Variants in PARD3B observed in about 807,000 individuals in gnomAD.
PARD3B encodes par-3 family cell polarity regulator beta.
Under a neutral mutation model 130.2 loss-of-function variants are expected in PARD3B, and 103 were observed. The ratio of observed to expected loss-of-function variants is 0.79; its 90% CI spans 0.67 to 0.93. The LOEUF is 0.93. Ranked by LOEUF, PARD3B falls within the 40% of genes least tolerant of loss-of-function variation. The pLI, the probability that PARD3B is intolerant of heterozygous loss-of-function variation, is 0.00. For synonymous variants in PARD3B, 583 were observed against 553.2 expected (o/e 1.05, Z -0.76); for missense variants, 1,609 against 1,499.2 (o/e 1.07, Z -1.21).
chr2:204,727,004 C>CCCT (rs2039261709), intron 2 of PARD3B, among the ~76,000 whole-genome samples: 1 of 152,088 alleles, frequency 6.6e-6, no homozygotes, highest in South Asian at 2.1e-4. Context: ...TTCCCTTCCC[C>CCCT]GCCCTGCACG....
intron 3 of PARD3B, among the ~76,000 whole-genome samples, chr2:204,998,149 A>G (rs1575517374): frequency 6.7e-6 from 1 of 149,136 alleles, no homozygotes; most frequent in South Asian, 2.1e-4. Context: ...GGAGGGGAAC[A>G]TCACACACCA....
In PARD3B at chr2:205,397,256, T is replaced by C. The variant is rs892709200; in HGVS notation, c.2631-3757T>C. Among the ~76,000 whole-genome samples the C allele has an allele frequency of 5.3e-5, 8 of 152,342 alleles. No homozygotes were observed. The South Asian group carries it at 1.2e-3, about 24-fold the overall frequency. On this transcript the variant is annotated intron_variant, in intron 18 of 22. Transcript: ENST00000406610. The surrounding 1 kb of genome is among the most constrained non-coding windows in gnomAD (Gnocchi z 4.8). Reference sequence around the variant, plus strand: ...ATTTGTAATCATTTTCTCTGGCTAATAAAATAAATTTCACATGTATTTCTG... The same window carrying C: ...ATTTGTAATCATTTTCTCTGGCTAACAAAATAAATTTCACATGTATTTCTG...
At chr2:204,896,304 G>A (rs929854318) in intron 2 of PARD3B, among the ~76,000 whole-genome samples, 2 of 152,206 alleles carry the variant, frequency 1.3e-5, no homozygotes, top group South Asian at 4.1e-4. Flanking sequence ...ATAAAGGTAA[G>A]AGGAAGTTGG....
In PARD3B at chr2:205,574,551, C is replaced by T. The variant is rs180996347; in HGVS notation, c.3260+21148C>T. Among the ~76,000 whole-genome samples the T allele has an allele frequency of 7.9e-5, 12 of 152,156 alleles. 3 individuals are homozygous for T. The highest frequency in any genetic ancestry group is 5.8e-4 in the East Asian group (3 of 5,178). ...ATTCCGGAAAGATCTATACCAACAG[C>T]GCTTGTTTGTGTCATTTCTAGCAGT... On this transcript the variant is annotated intron_variant, in intron 22 of 22. Transcript: ENST00000406610.
chr2:205,419,142 ATGGG>A (rs2046878477), intron 19 of PARD3B, among the ~76,000 whole-genome samples: 1 of 152,062 alleles, frequency 6.6e-6, no homozygotes, highest in Admixed American at 6.6e-5. Context: ...CACAATTCCC[ATGGG>A]TCATGGGAGG....
At chr2:205,549,223 A>G (rs2052511102) in intron 21 of PARD3B, among the ~76,000 whole-genome samples, 2 of 152,168 alleles carry the variant, frequency 1.3e-5, no homozygotes, top group African/African-American at 4.8e-5. Flanking sequence ...TTTAGAAGAC[A>G]ATTTGGTGGT....
At chr2:205,103,039 G>A (rs1475605264) in intron 4 of PARD3B, among the ~76,000 whole-genome samples, 1 of 151,780 alleles carries the variant, frequency 6.6e-6, no homozygotes, top group African/African-American at 2.4e-5. Flanking sequence ...CTGCACTCCA[G>A]CCTGGGCGAC....
At chr2:205,226,859 C>T (rs1239653875) in intron 15 of PARD3B, among the ~76,000 whole-genome samples, 1 of 152,074 alleles carries the variant, frequency 6.6e-6, no homozygotes, top group Non-Finnish European at 1.5e-5. Flanking sequence ...TGTGATATGA[C>T]ATAGATTTTA....
At chr2:204,720,478 A>G (rs2038941234) in intron 2 of PARD3B, among the ~76,000 whole-genome samples, 1 of 152,242 alleles carries the variant, frequency 6.6e-6, no homozygotes, top group Non-Finnish European at 1.5e-5. Context: ...CAAAGAAGTT[A>G]TCAGTCAACT....
At chr2:205,418,926 A>G (rs1436575892) in intron 19 of PARD3B, among the ~76,000 whole-genome samples, 1 of 152,228 alleles carries the variant, frequency 6.6e-6, no homozygotes, top group Non-Finnish European at 1.5e-5. Context: ...TTCTGCAGAT[A>G]CATACAAAAT....
intron 16 of PARD3B, among the ~76,000 whole-genome samples, chr2:205,267,507 T>G (rs1294852390): frequency 1.3e-5 from 2 of 150,488 alleles, no homozygotes; most frequent in Non-Finnish European, 3.0e-5. Flanking sequence ...AGGATTTGGC[T>G]TGAGCTTCAG....
chr2:205,044,854 A>G (rs1698657537), intron 3 of PARD3B, among the ~76,000 whole-genome samples: 1 of 152,194 alleles, frequency 6.6e-6, no homozygotes, highest in African/African-American at 2.4e-5. Flanking sequence ...TCTTCCTGAC[A>G]GCCACCTTCA....
chr2:204,976,298 G>T (rs566513920), intron 3 of PARD3B, among the ~76,000 whole-genome samples: 5 of 152,292 alleles, frequency 3.3e-5, no homozygotes, highest in East Asian at 3.9e-4. Flanking sequence ...GAGCAAGCCT[G>T]CCTGGGTCAA....
intron 1 of PARD3B, among the ~76,000 whole-genome samples, chr2:204,558,481 A>G (rs2031083818): frequency 6.6e-6 from 1 of 152,224 alleles, no homozygotes; most frequent in South Asian, 2.1e-4. Flanking sequence ...AATCCCACTT[A>G]CAAGGGATGT....
At chr2:205,126,483 A>G (rs1203731897) in intron 10 of PARD3B, among the ~76,000 whole-genome samples, 1 of 152,110 alleles carries the variant, frequency 6.6e-6, no homozygotes, top group African/African-American at 2.4e-5. Context: ...TAAAAAATTG[A>G]TAATACCCAG....
chr2:204,805,055 C>A (rs2042715701), intron 2 of PARD3B, among the ~76,000 whole-genome samples: 1 of 151,406 alleles, frequency 6.6e-6, no homozygotes, highest in Admixed American at 6.6e-5. Flanking sequence ...AAAATGAAAG[C>A]ATAAATTAGA....
rs538968355 is a variant in PARD3B at position 204,934,779 on chromosome 2, C to CG, written c.223-30369dup. ...GCAGGGTTTAGAAACAAAGTGGGAA[C>CG]GGGGTAAGTATTTATTAGTCAGTTT... On this transcript the variant is annotated intron_variant, in intron 2 of 22. Transcript: ENST00000406610. Among the ~76,000 whole-genome samples the CG allele has an allele frequency of 1.3e-3, 200 of 152,080 alleles. 1 individual carries two copies. Among genetic ancestry groups the CG allele is most frequent in the East Asian group, 9.7e-3 (50 of 5,170 alleles).
intron 2 of PARD3B, among the ~76,000 whole-genome samples, chr2:204,873,352 C>T (rs575002672): frequency 6.6e-6 from 1 of 152,282 alleles, no homozygotes; most frequent in East Asian, 1.9e-4. Context: ...GCAGGCAAGG[C>T]AACTATAGCT....
At chr2:204,997,108 C>T (rs1016516416) in intron 3 of PARD3B, among the ~76,000 whole-genome samples, 36 of 152,134 alleles carry the variant, frequency 2.4e-4, no homozygotes, top group Middle Eastern at 6.4e-3. Flanking sequence ...CTCCTCCCCT[C>T]CTCAGTTGTC....
Sources: gnomAD v4.1 joint callset for allele counts (sites outside exome capture counted in the v4.1 genomes callset) on GRCh38, gnomAD v4.1.1 for gene constraint, Gnocchi (gnomAD v3.1) non-coding constraint, MANE v1.5 for transcripts, NCBI Gene and HGNC (gene_info 2026-07-23, HGNC 2026-07-21) for gene names.